ARID5A: variants seen among roughly 807,000 people sequenced by gnomAD.
ARID5A encodes the protein AT-rich interactive domain-containing protein 5A.
Under a neutral mutation model 30.5 loss-of-function variants are expected in ARID5A, and 14 were observed. That is an observed-to-expected ratio of 0.46 (90% CI 0.30 to 0.72). ARID5A has a LOEUF of 0.72. ARID5A is among the 30% of genes least tolerant of loss of function. ARID5A has a pLI of 0.07. For missense variants in ARID5A, 669 were observed against 786.2 expected (o/e 0.85, Z 1.78); for synonymous variants, 338 against 340.4 (o/e 0.99, Z 0.08).
At chr2:96,542,421 G>A (rs6723188) in intron 1 of ARID5A, among the ~76,000 whole-genome samples, 5,227 of 152,258 alleles carry the variant, frequency 0.034, 94 homozygotes, top group African/African-American at 0.048. Context: ...TAAACAGCTC[G>A]GATTGGTGAC....
chr2:96,551,582 C>A lies in ARID5A; in HGVS notation c.1054C>A (p.Leu352Met). The stretch of plus-strand genomic sequence containing the variant: ...CTTCTACACCCACCCCACCGAGGTG[C>A]TGAAGCCTGTCAGCCAGCACCCCAG... ...GCFYTHPTEVLKPVSQHPRDF... is the reference protein window; with the variant it reads ...GCFYTHPTEVMKPVSQHPRDF... The change falls in exon 7 of 7, where the codon CTG (leucine) becomes ATG (methionine). Residue 352 changes from leucine to methionine, a missense_variant. Physicochemically the swap from Leu to Met is conservative, Grantham distance 15 (BLOSUM62 2). This residue lies in a region of ARID5A where 548 missense variants were observed against 577.4 expected (regional missense o/e 0.95). Transcript: ENST00000357485. 1 of 1,585,852 alleles carries A rather than the reference C, an allele frequency of 6.3e-7. No homozygotes were observed. The highest frequency in any genetic ancestry group is 8.6e-7 in the Non-Finnish European group (1 of 1,169,492).
chr2:96,547,638 T>G (rs879552812), intron 2 of ARID5A, 121 bp downstream of exon 2: 41 of 876,300 alleles, frequency 4.7e-5, no homozygotes, highest in Non-Finnish European at 7.1e-5. Flanking sequence ...GTTCCTACCC[T>G]GGCCCTGCCC....
In ARID5A at chr2:96,549,905, A is replaced by C; in HGVS notation, c.312+100A>C. On this transcript the variant is annotated intron_variant, in intron 4 of 6. Coordinates refer to ENST00000357485, the MANE Select transcript of ARID5A (RefSeq NM_212481.3). This position sits in a 1 kb window ranked among gnomAD's most constrained non-coding sequence, Gnocchi z 6.1. ...GGACAGAGGAAGAGCCAGGATCCCCAGTCCTACCCCTGCGTCCCTGCCTCC... is the reference window on the plus strand; with the variant it reads ...GGACAGAGGAAGAGCCAGGATCCCCCGTCCTACCCCTGCGTCCCTGCCTCC... 6.5e-7 allele frequency: 1 copy of C among 1,544,486 alleles called. No homozygotes were observed. The highest frequency in any genetic ancestry group is 2.3e-5 in the East Asian group (1 of 43,002).
intron 1 of ARID5A, among the ~76,000 whole-genome samples, chr2:96,541,272 A>T (rs946014257): frequency 5.4e-5 from 8 of 148,966 alleles, no homozygotes; most frequent in African/African-American, 2.0e-4. Context: ...TCTTGACCTC[A>T]TGATCTGCCC....
In ARID5A at chr2:96,551,746, G is replaced by A. The variant is rs779174368; in HGVS notation, c.1218G>A (p.Lys406=). 6.6e-7 allele frequency: 1 copy of A among 1,520,836 alleles called. No homozygotes were observed. Among genetic ancestry groups the A allele is most frequent in the Non-Finnish European group, 8.8e-7 (1 of 1,136,482 alleles). The allele number at this position is 1,520,836 out of a possible 1,614,324, so 94.2% of individuals were successfully genotyped here. A position where few individuals can be genotyped will look rare whatever the true frequency, so the allele number is the denominator to read the frequency against. Residue 406 remains lysine (K), a synonymous_variant, in exon 7 of 7, where the codon AAG becomes AAA. Coordinates refer to ENST00000357485, the MANE Select transcript of ARID5A (RefSeq NM_212481.3). ...CGTTCCATAAAGGTGGCTCCAGAAA[G>A]GGCATCCTCTACCCCAAGCCCAAAG... is the stretch of plus-strand genomic sequence containing the variant. The part of the protein sequence containing the change: ...PSAFHKGGSR[K]GILYPKPKAC...
In ARID5A at chr2:96,547,505, C is replaced by T; in HGVS notation, c.108C>T (p.Pro36=). ...PAGKQNGIQN[P]ISLEDSPEAG... ...GCAAGCAGAACGGAATCCAGAACCC[C>T]ATCTCGCTGGAGGTGAGTTGACTCC... Residue 36 remains proline, a synonymous_variant, in exon 2 of 7, where the codon CCC becomes CCT. Coordinates refer to ENST00000357485, the MANE Select transcript of ARID5A (RefSeq NM_212481.3). The T allele has an allele frequency of 6.2e-7, 1 of 1,613,980 alleles. No homozygotes were observed. Among genetic ancestry groups the T allele is most frequent in the Non-Finnish European group, 8.5e-7 (1 of 1,179,944 alleles).
chr2:96,536,810 C>T lies in ARID5A; in HGVS notation c.-17C>T. 1 of 1,226,482 alleles carries T rather than the reference C, an allele frequency of 8.2e-7. No homozygotes were observed. Among genetic ancestry groups the T allele is most frequent in the South Asian group, 4.1e-5 (1 of 24,256 alleles). 76.0% of individuals were successfully genotyped at this position (1,226,482 alleles called of 1,614,324 possible). On this transcript the variant is annotated 5_prime_UTR_variant, in exon 1 of 7. Transcript: ENST00000357485. ...GCTGAGGGTCTCGGGGCGGGCGCCG[C>T]GGGACCTCTCCGGGCCATGGGTAAG... is the stretch of plus-strand genomic sequence containing the variant.
Position 96,551,291 on chromosome 2 carries a change from A to G in ARID5A, c.763A>G (p.Met255Val). The change falls in exon 7 of 7, where the codon ATG becomes GTG. Residue 255 changes from methionine to valine, a missense_variant. Physicochemically the swap from Met to Val is conservative, Grantham distance 21 (BLOSUM62 1). Transcript: ENST00000357485. ...CTACTGCAAGGGGACACACGGCATC[A>G]TGTCACCACTGGCCAAAAAGAAGCT... ...SFYCKGTHGI[M>V]SPLAKKKLLA... 1.2e-6 allele frequency: 2 copies of G among 1,613,894 alleles called. No individual in the cohort carries two copies. The highest frequency in any genetic ancestry group is 1.7e-6 in the Non-Finnish European group (2 of 1,180,020).
rs763524553 is a variant in ARID5A, at chr2:96,552,422, C to T, written c.*109C>T. 5 of 1,564,856 alleles carry T rather than the reference C, an allele frequency of 3.2e-6. No homozygotes were observed. The African/African-American group carries it at 6.8e-5, about 21-fold the overall frequency. Reference sequence around the variant, plus strand: ...TGCCTGCTACCCAGGACACCCGGGCCATGCCCCTGGCTGGGCAGCCTGGCA... The same window carrying T: ...TGCCTGCTACCCAGGACACCCGGGCTATGCCCCTGGCTGGGCAGCCTGGCA... On this transcript the variant is annotated 3_prime_UTR_variant, in exon 7 of 7. Coordinates refer to ENST00000357485, the MANE Select transcript of ARID5A (RefSeq NM_212481.3).
chr2:96,538,094 G>GATT, intron 1 of ARID5A: 1 of 985,514 alleles, frequency 1.0e-6, no homozygotes, highest in East Asian at 1.1e-4. Flanking sequence ...GACCCGCCTG[G>GATT]GGCCTAGAAC....
Position 96,549,628 on chromosome 2 carries a change from A to T in ARID5A, c.260-125A>T. 6.6e-7 allele frequency: 1 copy of T among 1,515,884 alleles called. No homozygotes were observed. Among genetic ancestry groups the T allele is most frequent in the East Asian group, 2.3e-5 (1 of 44,256 alleles). The allele number at this position is 1,515,884 out of a possible 1,614,324, so 93.9% of individuals were successfully genotyped here. On this transcript the variant is annotated intron_variant, in intron 3 of 6. Coordinates refer to ENST00000357485, the MANE Select transcript of ARID5A (RefSeq NM_212481.3). The surrounding 1 kb of genome is among the most constrained non-coding windows in gnomAD (Gnocchi z 6.1). ...TGCACAGGGCACAGCCTGCCCGTCT[A>T]TTGCAGTGGCCCTGGCTGGGTGTGT...
At position 96,550,948 on chromosome 2, in the gene ARID5A, C is replaced by A. The variant is rs894013261; in HGVS notation, c.571-151C>A. The A allele has an allele frequency of 1.5e-5, 18 of 1,188,486 alleles. No individual in the cohort carries two copies. The highest frequency in any genetic ancestry group is 2.1e-5 in the Non-Finnish European group (18 of 848,994). 73.6% of individuals were successfully genotyped at this position (1,188,486 alleles called of 1,614,324 possible). On this transcript the variant is annotated intron_variant, in intron 6 of 6. Transcript: ENST00000357485. The surrounding 1 kb of genome is among the most constrained non-coding windows in gnomAD (Gnocchi z 6.6). ...CACCAGGCACCTGAGGCTGTGTCCA[C>A]TCAGAGGACAGGGCACCTTTGGAAA...
At chr2:96,536,963 G>A in intron 1 of ARID5A, 133 bp downstream of exon 1, 1 of 1,131,708 alleles carries the variant, frequency 8.8e-7, no homozygotes, top group Non-Finnish European at 1.1e-6. Context: ...GGCCCGGGGT[G>A]GGTTTCGGGG....
rs2066047190 is a variant in ARID5A, at chr2:96,551,637, T to C, written c.1109T>C (p.Val370Ala). The C allele has an allele frequency of 2.6e-6, 4 of 1,531,326 alleles. No homozygotes were observed. The South Asian group carries it at 5.2e-5, about 20-fold the overall frequency. 94.9% of individuals were successfully genotyped at this position (1,531,326 alleles called of 1,614,324 possible). A position where few individuals can be genotyped will look rare whatever the true frequency, so the allele number is the denominator to read the frequency against. Residue 370 changes from valine (V) to alanine (A), a missense_variant, in exon 7 of 7, where the codon GTG (valine) becomes GCG (alanine). Val to Ala is a moderately conservative substitution (Grantham distance 64). This residue lies in a region of ARID5A where 548 missense variants were observed against 577.4 expected (regional missense o/e 0.95). Transcript: ENST00000357485. ...TTCTTCTCTAGACTTAAAGATGGGG[T>C]GCTATTGGGGCCTCCTGGCAAAGAG... is the stretch of plus-strand genomic sequence containing the variant. The part of the protein sequence containing the change: ...RDFFSRLKDG[V>A]LLGPPGKEGL...
chr2:96,551,423 C>G lies in ARID5A; in HGVS notation c.895C>G (p.Gln299Glu). 1 of 1,601,256 alleles carries G rather than the reference C, an allele frequency of 6.2e-7. No individual in the cohort carries two copies. Among genetic ancestry groups the G allele is most frequent in the Non-Finnish European group, 8.5e-7 (1 of 1,174,636 alleles). Residue 299 changes from glutamine (Q) to glutamate (E), a missense_variant, in exon 7 of 7, where the codon CAG (glutamine) becomes GAG (glutamate). Gln to Glu is a conservative substitution (Grantham distance 29). This residue lies in a region of ARID5A where 548 missense variants were observed against 577.4 expected (regional missense o/e 0.95). Transcript: ENST00000357485. ...AGCTGTTCACCTCCCAGAGAGTCCC[C>G]AGAGCCCCAAAGGGCTGACTGAGAA... ...SPAVHLPESP[Q>E]SPKGLTENSR...
In ARID5A at chr2:96,550,788, C is replaced by T. The variant is rs1160254347; in HGVS notation, c.570+55C>T. 3 of 1,487,420 alleles carry T rather than the reference C, an allele frequency of 2.0e-6. No individual in the cohort carries two copies. The highest frequency in any genetic ancestry group is 2.8e-5 in the African/African-American group (2 of 70,356). 92.1% of individuals were successfully genotyped at this position (1,487,420 alleles called of 1,614,324 possible). On this transcript the variant is annotated intron_variant, in intron 6 of 6. Coordinates refer to ENST00000357485, the MANE Select transcript of ARID5A (RefSeq NM_212481.3). The surrounding 1 kb of genome is among the most constrained non-coding windows in gnomAD (Gnocchi z 6.6). Reference sequence around the variant, plus strand: ...GTCCCTTGCCTCTTGTAGCCCCCTACCCCACAACTCCCTGTGGCCGCGGAG... The same window carrying T: ...GTCCCTTGCCTCTTGTAGCCCCCTATCCCACAACTCCCTGTGGCCGCGGAG...
In ARID5A at chr2:96,552,382, G is replaced by T. The variant is rs775361529; in HGVS notation, c.*69G>T. The T allele has an allele frequency of 6.2e-7, 1 of 1,601,512 alleles. No individual in the cohort carries two copies. The highest frequency in any genetic ancestry group is 1.1e-5 in the South Asian group (1 of 89,638). On this transcript the variant is annotated 3_prime_UTR_variant, in exon 7 of 7. Coordinates refer to ENST00000357485, the MANE Select transcript of ARID5A (RefSeq NM_212481.3). ...TACAACAGGCAGGTACTGCTGCCAG[G>T]GGGCTCTGAACTAGTGCCTGCTACC...
chr2:96,538,215 C>A, intron 1 of ARID5A: 2 of 985,466 alleles, frequency 2.0e-6, no homozygotes, highest in Non-Finnish European at 2.4e-6. Context: ...ACACACGAAA[C>A]CATCTGAGGA....
chr2:96,544,094 TGA>T (rs2065886909), intron 1 of ARID5A, among the ~76,000 whole-genome samples: 1 of 152,198 alleles, frequency 6.6e-6, no homozygotes, highest in Non-Finnish European at 1.5e-5. Flanking sequence ...CTGTGAAGGC[TGA>T]GAGAGGTGAG....
Sources: allele counts gnomAD v4.1 joint callset (sites outside exome capture counted in the v4.1 genomes callset), GRCh38; gene constraint gnomAD v4.1.1; regional missense constraint gnomAD v4.1.1; non-coding constraint Gnocchi (gnomAD v3.1); transcripts MANE v1.5; gene names NCBI Gene and HGNC (gene_info 2026-07-23, HGNC 2026-07-21).